Variants in CTNNA2 observed in about 807,000 individuals in gnomAD.
CTNNA2 encodes catenin alpha-2.
In CTNNA2, 42 loss-of-function variants were observed where a neutral mutation model predicts 101.0. That is an observed-to-expected ratio of 0.42 (90% confidence interval 0.32 to 0.54). CTNNA2 has a LOEUF of 0.54. CTNNA2 is among the 20% of genes least tolerant of loss of function. The pLI, the probability that CTNNA2 is intolerant of heterozygous loss-of-function variation, is 0.14. For synonymous variants in CTNNA2, 450 were observed against 456.4 expected (o/e 0.99, Z 0.18); for missense variants, 871 against 1,223.1 (o/e 0.71, Z 4.29).
At chr2:80,425,024 G>A (rs529422117) in intron 9 of CTNNA2, among the ~76,000 whole-genome samples, 10 of 152,298 alleles carry the variant, frequency 6.6e-5, no homozygotes, top group Admixed American at 3.3e-4. Context: ...CCTCTCAGCA[G>A]CGACCTTCTT....
intron 14 of CTNNA2, among the ~76,000 whole-genome samples, chr2:80,584,553 C>T (rs1434150897): frequency 2.0e-5 from 3 of 151,852 alleles, no homozygotes; most frequent in African/African-American, 7.3e-5. Context: ...AACTGTTTCT[C>T]CACAGTCTGG....
intron 8 of CTNNA2, among the ~76,000 whole-genome samples, chr2:80,400,031 A>C (rs1015995377): frequency 6.6e-6 from 1 of 152,162 alleles, no homozygotes; most frequent in South Asian, 2.1e-4. Context: ...TGTCACTGAA[A>C]ACGAGATAAT....
At chr2:80,407,689 A>C (rs1679190938) in intron 8 of CTNNA2, among the ~76,000 whole-genome samples, 1 of 152,218 alleles carries the variant, frequency 6.6e-6, no homozygotes, top group Admixed American at 6.5e-5. Flanking sequence ...CCTTGAATCC[A>C]ACTACGTTTC....
intron 7 of CTNNA2, among the ~76,000 whole-genome samples, chr2:80,172,985 G>A (rs1705163637): frequency 6.6e-6 from 1 of 152,050 alleles, no homozygotes; most frequent in African/African-American, 2.4e-5. Flanking sequence ...AGTCCTGGGG[G>A]GTGAGTACTT....
chr2:80,256,740 A>G (rs1218139001), intron 7 of CTNNA2, among the ~76,000 whole-genome samples: 1 of 152,166 alleles, frequency 6.6e-6, no homozygotes, highest in East Asian at 1.9e-4. Flanking sequence ...ATGCTTTTTT[A>G]TGAAGCAGAA....
chr2:79,836,460 T>C (rs1679372180), intron 3 of CTNNA2, among the ~76,000 whole-genome samples: 2 of 152,194 alleles, frequency 1.3e-5, no homozygotes, highest in African/African-American at 4.8e-5. Context: ...AGAAGTGAGG[T>C]GCATGCATTT....
chr2:80,311,983 A>T (rs1677634489), intron 7 of CTNNA2, among the ~76,000 whole-genome samples: 1 of 152,204 alleles, frequency 6.6e-6, no homozygotes, highest in Non-Finnish European at 1.5e-5. Flanking sequence ...TCATAATTTT[A>T]TCAATTATGG....
At chr2:80,472,173 G>A (rs1685361198) in intron 9 of CTNNA2, among the ~76,000 whole-genome samples, 1 of 151,986 alleles carries the variant, frequency 6.6e-6, no homozygotes, top group African/African-American at 2.4e-5. Flanking sequence ...AGGACCTGCA[G>A]ATAAGGGTGG....
At chr2:80,253,638 T>C (rs1671929543) in intron 7 of CTNNA2, among the ~76,000 whole-genome samples, 1 of 152,188 alleles carries the variant, frequency 6.6e-6, no homozygotes, top group African/African-American at 2.4e-5. Context: ...CTTTCTTTTT[T>C]TGCAAACTTC....
chr2:80,429,030 C>A (rs940924976), intron 9 of CTNNA2, among the ~76,000 whole-genome samples: 9 of 152,048 alleles, frequency 5.9e-5, no homozygotes, highest in African/African-American at 2.2e-4. Flanking sequence ...TAATAATACT[C>A]TATAAGAGCT....
intron 2 of CTNNA2, among the ~76,000 whole-genome samples, chr2:79,658,887 A>G (rs1027701569): frequency 1.7e-4 from 26 of 152,110 alleles, no homozygotes; most frequent in Non-Finnish European, 2.6e-4. Flanking sequence ...GGTGAATTTT[A>G]TAGTTGAACC....
intron 1 of CTNNA2, among the ~76,000 whole-genome samples, chr2:79,632,827 A>AT: frequency 6.6e-6 from 1 of 152,278 alleles, no homozygotes; most frequent in African/African-American, 2.4e-5. Context: ...AACCAGCACA[A>AT]TTTTTCTGTA....
Position 79,308,037 on chromosome 2 carries a change from T to A in CTNNA2, c.-405-4672T>A, listed in dbSNP as rs555200716. Among the ~76,000 whole-genome samples, 4 of 152,246 alleles carry A rather than the reference T, an allele frequency of 2.6e-5. No individual in the cohort carries two copies. In the East Asian group the frequency reaches 7.7e-4, roughly 29 times the overall value. On this transcript the variant is annotated intron_variant, in intron 2 of 21. Coordinates refer to the CTNNA2 transcript ENST00000466387. ...TTCTTTTGAGAAATGTCTATTCAGA[T>A]GATTTGTCCATTTTTATTTATTTCG...
chr2:79,778,797 T>A (rs999127375), intron 3 of CTNNA2, among the ~76,000 whole-genome samples: 3 of 152,224 alleles, frequency 2.0e-5, no homozygotes, highest in Non-Finnish European at 4.4e-5. Flanking sequence ...TAGGCAAAGT[T>A]GTTTTTATAT....
At chr2:80,151,101 C>T (rs149806178) in intron 7 of CTNNA2, among the ~76,000 whole-genome samples, 51 of 152,288 alleles carry the variant, frequency 3.3e-4, no homozygotes, top group African/African-American at 1.1e-3. Context: ...CTTTTATGCC[C>T]CACTCTCCAG....
At chr2:79,261,249 A>G (rs17016657) in intron 2 of CTNNA2, among the ~76,000 whole-genome samples, 2,930 of 152,232 alleles carry the variant, frequency 0.019, 92 homozygotes, top group African/African-American at 0.066. Flanking sequence ...CAACACTTAT[A>G]ATTATTCACC....
Position 80,397,976 on chromosome 2 carries a change from A to G in CTNNA2, c.1137+4685A>G, listed in dbSNP as rs565163924. On this transcript the variant is annotated intron_variant, in intron 8 of 18. Coordinates refer to ENST00000402739, the MANE Select transcript of CTNNA2 (RefSeq NM_001282597.3). Reference sequence around the variant, plus strand: ...CTTTGAGGTTTTGAGCAGCACCTCTACAACTCTAAGATTTGGAATTGGTGG... The same window carrying G: ...CTTTGAGGTTTTGAGCAGCACCTCTGCAACTCTAAGATTTGGAATTGGTGG... Among the ~76,000 whole-genome samples, 3 of 152,344 alleles carry G rather than the reference A, an allele frequency of 2.0e-5. 1 individual carries two copies. Among genetic ancestry groups the G allele is most frequent in the African/African-American group, 4.8e-5 (2 of 41,578 alleles).
chr2:80,313,982 G>A (rs2149233555), intron 7 of CTNNA2, among the ~76,000 whole-genome samples: 1 of 152,312 alleles, frequency 6.6e-6, no homozygotes, highest in Non-Finnish European at 1.5e-5. Flanking sequence ...TTGCTCTAGG[G>A]GAGAAGGGAG....
At chr2:79,503,651 C>T (rs1206586407) in intron 4 of CTNNA2, among the ~76,000 whole-genome samples, 1 of 152,134 alleles carries the variant, frequency 6.6e-6, no homozygotes, top group African/African-American at 2.4e-5. Context: ...TTTTACTAGA[C>T]ATCATATATG....
Sources: gnomAD v4.1 joint callset for allele counts (sites outside exome capture counted in the v4.1 genomes callset) on GRCh38, gnomAD v4.1.1 for gene constraint, MANE v1.5 for transcripts, NCBI Gene and HGNC (gene_info 2026-07-23, HGNC 2026-07-21) for gene names.